Variants in FMN1 observed in about 807,000 individuals in gnomAD.
FMN1 encodes formin-1.
FMN1 carries 110 observed loss-of-function variants against 132.4 expected under a neutral mutation model. That is an observed-to-expected ratio of 0.83 (90% CI 0.71 to 0.97). The LOEUF (loss-of-function observed/expected upper bound fraction) is 0.97. Among genes scored for constraint, FMN1 ranks in the 50% least tolerant of loss-of-function variants. The probability of loss-of-function intolerance (pLI) is 0.00; values close to 1 mark genes in which losing one functional copy is unlikely to be tolerated. For synonymous variants in FMN1, 722 were observed against 651.7 expected, an observed-to-expected ratio of 1.11 and a Z score of -1.64; for missense variants, 1,792 against 1,705.3, an observed-to-expected ratio of 1.05 and a Z score of -0.90.
intron 15 of FMN1, among the ~76,000 whole-genome samples, chr15:32,893,221 A>T (rs1205177592): frequency 3.3e-5 from 5 of 152,210 alleles, no homozygotes; most frequent in Admixed American, 3.3e-4. Context: ...TTTAAAATGG[A>T]AGCAGTACTC....
At chr15:32,898,917 A>G (rs1012155451) in intron 14 of FMN1, 24 bp from the exon 15 acceptor site, 2 of 1,473,520 alleles carry the variant, frequency 1.4e-6, no homozygotes, top group Non-Finnish European at 9.5e-7. Context: ...AGAAATGTAC[A>G]TGAAAATCAT....
At position 33,155,058 on chromosome 15, in the gene FMN1, C is replaced by T. The variant is rs944693535; in HGVS notation, c.-131-13G>A. 1 of 638,088 alleles carries T rather than the reference C, an allele frequency of 1.6e-6. No individual in the cohort carries two copies. The highest frequency in any genetic ancestry group is 2.0e-5 in the South Asian group (1 of 49,650). 39.5% of individuals were successfully genotyped at this position (638,088 alleles called of 1,614,324 possible). A position where few individuals can be genotyped will look rare whatever the true frequency, so the allele number is the denominator to read the frequency against. ...GCAATGAGACTGCCTGTTAGAGGAA[C>T]AGGGGAAGAAAGCAGCTTGTCTAAC... On this transcript the variant is annotated splice_polypyrimidine_tract_variant and intron_variant, in intron 3 of 20. Transcript: ENST00000616417.
intron 5 of FMN1, among the ~76,000 whole-genome samples, chr15:33,069,199 C>G (rs2037887692): frequency 6.6e-6 from 1 of 152,234 alleles, no homozygotes; most frequent in African/African-American, 2.4e-5. Flanking sequence ...GTTTCTACCA[C>G]TCTATTTATA....
At chr15:32,951,772 G>A (rs571702865) in intron 9 of FMN1, among the ~76,000 whole-genome samples, 12 of 152,268 alleles carry the variant, frequency 7.9e-5, no homozygotes, top group African/African-American at 2.6e-4. Context: ...AAAACTGTAC[G>A]AAGGGGCCTT....
At chr15:33,093,900 G>C (rs1053854934) in intron 4 of FMN1, among the ~76,000 whole-genome samples, 1 of 152,154 alleles carries the variant, frequency 6.6e-6, no homozygotes, top group African/African-American at 2.4e-5. Context: ...CAAATTTACA[G>C]TTGGAAAGAA....
chr15:32,990,640 G>C (rs565910760), intron 7 of FMN1, among the ~76,000 whole-genome samples: 2 of 152,236 alleles, frequency 1.3e-5, no homozygotes, highest in South Asian at 4.2e-4. Context: ...CCTGCTAAAA[G>C]AACAACTGTA....
At chr15:32,979,675 AG>A (rs1313288696) in intron 7 of FMN1, among the ~76,000 whole-genome samples, 3 of 151,664 alleles carry the variant, frequency 2.0e-5, no homozygotes, top group Non-Finnish European at 4.4e-5. Context: ...AGCTGGTGTG[AG>A]TTTTACAGTG....
At chr15:32,792,499 AG>A (rs2057123806) in intron 19 of FMN1, among the ~76,000 whole-genome samples, 1 of 151,684 alleles carries the variant, frequency 6.6e-6, no homozygotes, top group Non-Finnish European at 1.5e-5. Flanking sequence ...GCAGTGGCAA[AG>A]AATTAGTTAG....
intron 6 of FMN1, chr15:33,063,187 T>G (rs1393978547): frequency 1.3e-5 from 2 of 152,452 alleles, no homozygotes; most frequent in Non-Finnish European, 2.9e-5. Context: ...AGGCCTGAAA[T>G]GATAGCCTCA....
intron 17 of FMN1, among the ~76,000 whole-genome samples, chr15:32,854,930 A>C (rs537874926): frequency 6.6e-6 from 1 of 151,928 alleles, no homozygotes; most frequent in Admixed American, 6.6e-5. Context: ...AAAAAACAAA[A>C]AACAAACAAA....
At chr15:33,120,780 G>C (rs547932644) in intron 4 of FMN1, among the ~76,000 whole-genome samples, 3 of 151,404 alleles carry the variant, frequency 2.0e-5, no homozygotes, top group Non-Finnish European at 4.4e-5. Context: ...CTGCACATTT[G>C]GTTTTTTTAA....
chr15:33,080,118 G>A (rs1304508536), intron 5 of FMN1, among the ~76,000 whole-genome samples: 4 of 152,146 alleles, frequency 2.6e-5, no homozygotes, highest in East Asian at 1.9e-4. Flanking sequence ...ACATTGTCAC[G>A]AATATCCTAA....
intron 2 of FMN1, among the ~76,000 whole-genome samples, chr15:33,187,888 C>T (rs151115570): frequency 2.3e-3 from 353 of 152,268 alleles, no homozygotes; most frequent in African/African-American, 8.1e-3. Flanking sequence ...TAGATGGAGA[C>T]TCTTATCTGC....
intron 5 of FMN1, among the ~76,000 whole-genome samples, chr15:33,080,448 T>C (rs532957268): frequency 6.6e-6 from 1 of 152,314 alleles, no homozygotes; most frequent in African/African-American, 2.4e-5. Context: ...TAATTATATG[T>C]CTGCTTAAAA....
In FMN1 at chr15:32,921,746, G is replaced by A. The variant is rs913602142; in HGVS notation, c.3226+4428C>T. Among the ~76,000 whole-genome samples, 3 of 147,930 alleles carry A rather than the reference G, an allele frequency of 2.0e-5. No individual in the cohort carries two copies. In the Admixed American group the frequency reaches 2.0e-4, roughly 10 times the overall value. ...GGCTGGAGTACAGTGGCGTGATCTC[G>A]GCAACCTCCACCTCCTACGCTCAAG... On this transcript the variant is annotated intron_variant, in intron 10 of 20. Transcript: ENST00000616417.
Position 32,899,877 on chromosome 15 carries a change from G to C in FMN1, c.3654+102C>G, listed in dbSNP as rs1391243741. On this transcript the variant is annotated intron_variant, in intron 14 of 20. Transcript: ENST00000616417. ...TCTAATATAAATGTTGTTAAGGGGA[G>C]GATAGAGATAAATGGAACAATCTGG... is the stretch of plus-strand genomic sequence containing the variant. 1.1e-5 allele frequency: 12 copies of C among 1,130,014 alleles called. No individual in the cohort carries two copies. In the East Asian group the frequency reaches 2.8e-4, roughly 26 times the overall value. The allele number at this position is 1,130,014 out of a possible 1,614,324, so 70.0% of individuals were successfully genotyped here.
intron 17 of FMN1, among the ~76,000 whole-genome samples, chr15:32,827,519 A>G (rs778841778): frequency 6.6e-6 from 1 of 152,176 alleles, no homozygotes; most frequent in Non-Finnish European, 1.5e-5. Context: ...ATCATTTCAC[A>G]TTATTGTCTT....
chr15:32,948,651 C>T (rs1365695540), intron 9 of FMN1, among the ~76,000 whole-genome samples: 2 of 151,886 alleles, frequency 1.3e-5, no homozygotes, highest in Non-Finnish European at 2.9e-5. Context: ...CATTTATTGG[C>T]AAAAATTTGT....
intron 6 of FMN1, among the ~76,000 whole-genome samples, chr15:33,040,798 G>A (rs552108164): frequency 1.3e-4 from 20 of 152,174 alleles, no homozygotes; most frequent in Non-Finnish European, 2.8e-4. Context: ...TTGAATAGTG[G>A]TACAATGAAG....
Sources: allele counts gnomAD v4.1 joint callset (sites outside exome capture counted in the v4.1 genomes callset), GRCh38; gene constraint gnomAD v4.1.1; transcripts MANE v1.5; gene names NCBI Gene and HGNC (gene_info 2026-07-23, HGNC 2026-07-21).